Variants in STK3 observed in about 807,000 individuals in gnomAD.
STK3 encodes serine/threonine-protein kinase 3.
Under a neutral mutation model 58.0 loss-of-function variants are expected in STK3, and 41 were observed. That is an observed-to-expected ratio of 0.71 (90% CI 0.55 to 0.92). The LOEUF (loss-of-function observed/expected upper bound fraction) is 0.92, where lower values mean the gene tolerates loss of function less well. Ranked by LOEUF, STK3 falls within the 40% of genes least tolerant of loss-of-function variation. The probability of loss-of-function intolerance (pLI) is 0.00; values close to 1 mark genes in which losing one functional copy is unlikely to be tolerated. For synonymous variants in STK3, 170 were observed against 191.0 expected (o/e 0.89, Z 0.91); for missense variants, 479 against 602.7 (o/e 0.79, Z 2.15).
chr8:98,435,919 C>T (rs539152067), intron 2 of STK3, among the ~76,000 whole-genome samples: 1 of 152,272 alleles, frequency 6.6e-6, no homozygotes, highest in African/African-American at 2.4e-5. Flanking sequence ...TCTCCCTTTC[C>T]CTGAGAAATC....
chr8:98,443,625 A>T (rs1818782468), intron 1 of STK3, among the ~76,000 whole-genome samples: 1 of 152,194 alleles, frequency 6.6e-6, no homozygotes, highest in Admixed American at 6.5e-5. Flanking sequence ...AGATGGGCGG[A>T]TCAGTTGAGG....
upstream of STK3, among the ~76,000 whole-genome samples, chr8:98,390,965 G>A (rs910541683): frequency 6.6e-6 from 1 of 151,924 alleles, no homozygotes; most frequent in African/African-American, 2.4e-5. Context: ...CCTTACTTTT[G>A]GATTATTTTT....
At chr8:98,556,540 C>T (rs988672497) in intron 8 of STK3, among the ~76,000 whole-genome samples, 12 of 151,896 alleles carry the variant, frequency 7.9e-5, no homozygotes, top group South Asian at 2.1e-4. Context: ...CAGAAATAAC[C>T]GAGAACAAAA....
At chr8:98,423,620 C>G (rs1818196342) in intron 3 of STK3, among the ~76,000 whole-genome samples, 1 of 152,150 alleles carries the variant, frequency 6.6e-6, no homozygotes, top group South Asian at 2.1e-4. Flanking sequence ...TGGTGGGGAG[C>G]AGGATGGACA....
At chr8:98,661,194 G>A (rs1051631356) in intron 6 of STK3, among the ~76,000 whole-genome samples, 1 of 151,312 alleles carries the variant, frequency 6.6e-6, no homozygotes, top group South Asian at 2.1e-4. Flanking sequence ...GTTTTAAGAA[G>A]TACGTTTTAT....
At chr8:98,740,491 A>C (rs151268543) in intron 4 of STK3, among the ~76,000 whole-genome samples, 7,343 of 152,230 alleles carry the variant, frequency 0.048, 196 homozygotes, top group Non-Finnish European at 0.059. Flanking sequence ...ATCCAGCCAA[A>C]CTAAGCTTCA....
chr8:98,433,910 T>C (rs930074465), intron 3 of STK3, among the ~76,000 whole-genome samples: 1 of 152,330 alleles, frequency 6.6e-6, no homozygotes. Flanking sequence ...TTTCCACCTA[T>C]GTACACGGAA....
intron 2 of STK3, among the ~76,000 whole-genome samples, chr8:98,772,558 G>C (rs909284436): frequency 2.6e-5 from 4 of 152,056 alleles, no homozygotes; most frequent in African/African-American, 9.7e-5. Context: ...AATTAGCTGG[G>C]CGTGGTGGCA....
chr8:98,731,238 T>C (rs1230280005), intron 4 of STK3, among the ~76,000 whole-genome samples: 1 of 152,060 alleles, frequency 6.6e-6, no homozygotes, highest in African/African-American at 2.4e-5. Flanking sequence ...ACTCCAAGCT[T>C]AGAACCATAG....
At chr8:98,712,939 A>C (rs1587390180) in intron 4 of STK3, among the ~76,000 whole-genome samples, 2 of 152,370 alleles carry the variant, frequency 1.3e-5, no homozygotes, top group East Asian at 3.8e-4. Context: ...ACTGTCTCTC[A>C]GACTACAGTG....
chr8:98,657,214 T>C (rs949717957), intron 6 of STK3, among the ~76,000 whole-genome samples: 1 of 152,092 alleles, frequency 6.6e-6, no homozygotes, highest in African/African-American at 2.4e-5. Context: ...TATATAGTGC[T>C]TTCTAAGTGC....
chr8:98,871,884 A>G (rs1837392906), intron 3 of STK3, among the ~76,000 whole-genome samples: 1 of 152,136 alleles, frequency 6.6e-6, no homozygotes, highest in African/African-American at 2.4e-5. Flanking sequence ...ACTGTGTTGA[A>G]TAGGAGTGGT....
intron 10 of STK3, among the ~76,000 whole-genome samples, chr8:98,518,504 C>T (rs781311923): frequency 3.3e-5 from 5 of 152,148 alleles, no homozygotes; most frequent in South Asian, 2.1e-4. Context: ...TTGCTTTTAC[C>T]GAAGAATCAA....
At chr8:98,363,104 C>T in the STK3 span, among the ~76,000 whole-genome samples, 1 of 152,238 alleles carries the variant, frequency 6.6e-6, no homozygotes, top group Non-Finnish European at 1.5e-5. Context: ...AAAGCCTACA[C>T]ATGCTTGCAA....
chr8:98,913,161 C>A (rs184523932), intron 1 of STK3, among the ~76,000 whole-genome samples: 2 of 151,832 alleles, frequency 1.3e-5, no homozygotes, highest in Admixed American at 1.3e-4. Flanking sequence ...GCAGAGGAAC[C>A]TGTTGTATTT....
chr8:98,749,923 C>T (rs927813134), intron 3 of STK3, among the ~76,000 whole-genome samples: 3 of 151,990 alleles, frequency 2.0e-5, no homozygotes, highest in Admixed American at 6.6e-5. Flanking sequence ...TGAGGTCTTA[C>T]GTCTTCCAGA....
At chr8:98,857,634 A>AG (rs1587757751) in intron 3 of STK3, among the ~76,000 whole-genome samples, 1 of 152,226 alleles carries the variant, frequency 6.6e-6, no homozygotes, top group East Asian at 1.9e-4. Context: ...CTAGCATTTC[A>AG]AGTTCTTAAA....
At chr8:98,872,325 C>T (rs1837407231) in intron 3 of STK3, among the ~76,000 whole-genome samples, 1 of 152,078 alleles carries the variant, frequency 6.6e-6, no homozygotes, top group African/African-American at 2.4e-5. Context: ...GTGTCTCTGC[C>T]AGGCTTTGGT....
chr8:98,425,257 C>A (rs1386462219), intron 3 of STK3, among the ~76,000 whole-genome samples: 1 of 152,170 alleles, frequency 6.6e-6, no homozygotes, highest in Admixed American at 6.5e-5. Context: ...TGTCCACACA[C>A]AGACCCTGAA....
Sources: allele counts gnomAD v4.1 joint callset (sites outside exome capture counted in the v4.1 genomes callset), GRCh38; gene constraint gnomAD v4.1.1; transcripts MANE v1.5; gene names NCBI Gene and HGNC (gene_info 2026-07-23, HGNC 2026-07-21).